AKAP12: variants seen among roughly 807,000 people sequenced by gnomAD.
AKAP12 encodes A-kinase anchor protein 12.
AKAP12 carries 32 observed loss-of-function variants against 79.9 expected under a neutral mutation model. That is an observed-to-expected ratio of 0.40 (90% CI 0.30 to 0.54). The LOEUF (loss-of-function observed/expected upper bound fraction) is 0.54. Ranked by LOEUF, AKAP12 falls within the 20% of genes least tolerant of loss-of-function variation. The probability of loss-of-function intolerance (pLI) is 0.48; values close to 1 mark genes in which losing one functional copy is unlikely to be tolerated. For missense variants in AKAP12, 2,074 were observed against 2,177.0 expected, an observed-to-expected ratio of 0.95 and a Z score of 0.94; for synonymous variants, 808 against 857.0, an observed-to-expected ratio of 0.94 and a Z score of 1.00.
At chr6:151,264,755 T>C (rs1797515882) in intron 2 of AKAP12, among the ~76,000 whole-genome samples, 1 of 152,138 alleles carries the variant, frequency 6.6e-6, no homozygotes, top group African/African-American at 2.4e-5. Flanking sequence ...ATATCTGTAA[T>C]GTTTTTGACA....
chr6:151,300,920 G>A (rs1382005896), intron 2 of AKAP12, among the ~76,000 whole-genome samples: 1 of 152,164 alleles, frequency 6.6e-6, no homozygotes, highest in Non-Finnish European at 1.5e-5. Flanking sequence ...AGTGTAAGGA[G>A]CGTGTCTTTC....
intron 3 of AKAP12, among the ~76,000 whole-genome samples, chr6:151,310,797 A>G (rs1777082059): frequency 6.6e-6 from 1 of 152,214 alleles, no homozygotes; most frequent in Admixed American, 6.5e-5. Context: ...GTCTTCATCC[A>G]TTTGAATTAA....
chr6:151,262,282 T>C (rs989687350), intron 2 of AKAP12, among the ~76,000 whole-genome samples: 3 of 152,200 alleles, frequency 2.0e-5, no homozygotes, highest in African/African-American at 7.2e-5. Context: ...GATGTTTTCT[T>C]GCTGGTCTGC....
intron 2 of AKAP12, among the ~76,000 whole-genome samples, chr6:151,304,221 G>T (rs929411783): frequency 1.3e-5 from 2 of 151,926 alleles, no homozygotes; most frequent in Non-Finnish European, 1.5e-5. Flanking sequence ...CGGGCACAGT[G>T]GCTCACACCT....
intron 2 of AKAP12, among the ~76,000 whole-genome samples, chr6:151,296,784 T>G (rs1018341781): frequency 6.6e-6 from 1 of 152,152 alleles, no homozygotes; most frequent in Admixed American, 6.5e-5. Flanking sequence ...TGCAGCATCC[T>G]CAGGCTGAAC....
intron 2 of AKAP12, among the ~76,000 whole-genome samples, chr6:151,280,122 G>A (rs532830447): frequency 6.6e-6 from 1 of 150,404 alleles, no homozygotes; most frequent in South Asian, 2.1e-4. Context: ...AGCACCTTTT[G>A]GTTCAGTATA....
chr6:151,326,489 T>TAAAAAAAAAA (rs746340831), intron 3 of AKAP12, among the ~76,000 whole-genome samples: 3 of 80,282 alleles, frequency 3.7e-5, no homozygotes, highest in Non-Finnish European at 5.3e-5. Context: ...CAACAAATAG[T>TAAAAAAAAAA]AAAAAAAAAA....
chr6:151,313,814 C>G (rs974680462), intron 3 of AKAP12, among the ~76,000 whole-genome samples: 1 of 152,126 alleles, frequency 6.6e-6, no homozygotes, highest in African/African-American at 2.4e-5. Context: ...GAATACATTT[C>G]TTTATCTCAT....
intron 3 of AKAP12, among the ~76,000 whole-genome samples, chr6:151,318,054 A>T (rs1443942520): frequency 6.6e-6 from 1 of 152,206 alleles, no homozygotes; most frequent in Non-Finnish European, 1.5e-5. Flanking sequence ...CTAAACGTAC[A>T]TGTCGAAATC....
chr6:151,350,163 A>C lies in AKAP12; in HGVS notation c.1772A>C (p.Glu591Ala). The change falls in exon 4 of 5, where the codon GAA becomes GCA. Residue 591 changes from glutamate to alanine, a missense_variant. Glu to Ala is a moderately radical substitution (Grantham distance 107). Coordinates refer to ENST00000402676, the MANE Select transcript of AKAP12 (RefSeq NM_005100.4). The surrounding 1 kb of genome is among the most constrained non-coding windows in gnomAD (Gnocchi z 4.8). ...KGLAEVQQDG[E>A]AEEGATSDGE... ...TTAGCCGAGGTGCAGCAGGATGGGG[A>C]AGCTGAAGAAGGAGCTACTTCCGAT... 1 of 1,613,918 alleles carries C rather than the reference A, an allele frequency of 6.2e-7. No homozygotes were observed. Among genetic ancestry groups the C allele is most frequent in the Non-Finnish European group, 8.5e-7 (1 of 1,179,978 alleles).
Position 151,351,583 on chromosome 6 carries a change from T to C in AKAP12, c.3192T>C (p.Asp1064=). Residue 1064 remains aspartate, a synonymous_variant, in exon 4 of 5, where the codon GAT becomes GAC. Transcript: ENST00000402676. This position sits in a 1 kb window ranked among gnomAD's most constrained non-coding sequence, Gnocchi z 4.4. Reference sequence around the variant, plus strand: ...TGCCTGGCACCGGTGGGCCAGAAGATGTGCTTCAGCCTGTGCAGAGAGCAG... The same window carrying C: ...TGCCTGGCACCGGTGGGCCAGAAGACGTGCTTCAGCCTGTGCAGAGAGCAG... ...SQLPGTGGPE[D]VLQPVQRAEA... is the part of the protein sequence containing the mutation. 1.9e-6 allele frequency: 3 copies of C among 1,614,068 alleles called. No individual in the cohort carries two copies. Among genetic ancestry groups the C allele is most frequent in the East Asian group, 4.5e-5 (2 of 44,878 alleles).
Position 151,300,671 on chromosome 6 carries a change from A to G in AKAP12, c.163-5076A>G, listed in dbSNP as rs375047851. On this transcript the variant is annotated intron_variant, in intron 2 of 4. Transcript: ENST00000402676. ...GGACATTCTTGGTTGTTGTTCTTAC[A>G]GAAATGAGAGGAAAACACTGTTGCT... Among the ~76,000 whole-genome samples, 30 of 151,812 alleles carry G rather than the reference A, an allele frequency of 2.0e-4. No homozygotes were observed. In the East Asian group the frequency reaches 3.9e-3, roughly 20 times the overall value.
rs184089240 is a variant in AKAP12, at chr6:151,273,201, C to T, written c.162+32477C>T. On this transcript the variant is annotated intron_variant, in intron 2 of 4. Transcript: ENST00000402676. ...AGATTATAGGCGTGAGCCACCGCGC[C>T]CCGCCCAGGCTGGACATTCTTAGCA... Among the ~76,000 whole-genome samples the T allele has an allele frequency of 1.5e-4, 23 of 152,300 alleles. No individual in the cohort carries two copies. In the East Asian group the frequency reaches 3.9e-3, roughly 26 times the overall value.
intron 2 of AKAP12, among the ~76,000 whole-genome samples, chr6:151,277,767 A>G (rs1411134141): frequency 6.6e-6 from 1 of 152,226 alleles, no homozygotes; most frequent in Non-Finnish European, 1.5e-5. Context: ...ATAAGAATAT[A>G]ATCAGGAACA....
intron 2 of AKAP12, among the ~76,000 whole-genome samples, chr6:151,282,012 A>T (rs969140222): frequency 1.3e-5 from 2 of 151,768 alleles, no homozygotes; most frequent in African/African-American, 4.8e-5. Flanking sequence ...ATGACCTCCC[A>T]TGCCAGAATG....
chr6:151,342,692 C>A (rs1777983480), intron 3 of AKAP12, among the ~76,000 whole-genome samples: 1 of 152,306 alleles, frequency 6.6e-6, no homozygotes. Context: ...ATTATGTGTT[C>A]AACTCATAAC....
At chr6:151,335,096 A>G (rs981826288) in intron 3 of AKAP12, among the ~76,000 whole-genome samples, 2 of 152,178 alleles carry the variant, frequency 1.3e-5, no homozygotes. Context: ...GTGATGGTGA[A>G]AATTGGACAT....
chr6:151,334,646 G>T (rs1230916257), intron 3 of AKAP12, among the ~76,000 whole-genome samples: 2 of 149,006 alleles, frequency 1.3e-5, no homozygotes, highest in African/African-American at 4.9e-5. Context: ...CTTTGAGACG[G>T]AGTCTTGCTC....
intron 2 of AKAP12, among the ~76,000 whole-genome samples, chr6:151,290,244 T>C (rs1011102744): frequency 2.0e-5 from 3 of 152,042 alleles, no homozygotes; most frequent in African/African-American, 7.2e-5. Context: ...ATAGGAAAAC[T>C]GGGCAGTGTC....
Sources: gnomAD v4.1 joint callset for allele counts (sites outside exome capture counted in the v4.1 genomes callset) on GRCh38, gnomAD v4.1.1 for gene constraint, Gnocchi (gnomAD v3.1) non-coding constraint, MANE v1.5 for transcripts, NCBI Gene and HGNC (gene_info 2026-07-23, HGNC 2026-07-21) for gene names.